The following MAGI2 variants were observed in gnomAD, a reference collection of about 807,000 sequenced individuals.
MAGI2 encodes the protein membrane-associated guanylate kinase, WW and PDZ domain-containing protein 2.
A neutral mutation model predicts 133.3 loss-of-function variants in MAGI2; 35 were observed. The ratio of observed to expected loss-of-function variants is 0.26; its 90% CI spans 0.20 to 0.35. The LOEUF (loss-of-function observed/expected upper bound fraction) is 0.35. Among genes scored for constraint, MAGI2 ranks in the 10% least tolerant of loss-of-function variants. The probability of loss-of-function intolerance (pLI) is 1.00; values close to 1 mark genes in which losing one functional copy is unlikely to be tolerated. For synonymous variants in MAGI2, 729 were observed against 710.6 expected, an observed-to-expected ratio of 1.03 and a Z score of -0.41; for missense variants, 1,636 against 1,863.4, an observed-to-expected ratio of 0.88 and a Z score of 2.25.
chr7:79,100,793 T>C (rs1269254477), intron 1 of MAGI2, among the ~76,000 whole-genome samples: 1 of 151,968 alleles, frequency 6.6e-6, no homozygotes, highest in African/African-American at 2.4e-5. Context: ...TTTCTAACTT[T>C]TAGTGTCTTA....
chr7:79,422,792 A>G (rs1456292091), intron 1 of MAGI2, among the ~76,000 whole-genome samples: 2 of 152,050 alleles, frequency 1.3e-5, no homozygotes, highest in African/African-American at 4.8e-5. Context: ...TCAGTCAGAA[A>G]CCAAACTTGG....
intron 2 of MAGI2, among the ~76,000 whole-genome samples, chr7:78,888,479 C>A (rs552855373): frequency 7.6e-4 from 116 of 152,300 alleles, no homozygotes; most frequent in African/African-American, 2.7e-3. Flanking sequence ...AGGCATCCCC[C>A]AGTAGGGGCA....
intron 1 of MAGI2, among the ~76,000 whole-genome samples, chr7:79,299,553 T>TAAAAAAAAA (rs1837216946): frequency 1.6e-3 from 2 of 1,230 alleles, no homozygotes; most frequent in Non-Finnish European, 2.8e-3. Flanking sequence ...AGACTCCATC[T>TAAAAAAAAA]CAAAAAAAAA....
chr7:78,602,634 A>G (rs1339680337), intron 3 of MAGI2, among the ~76,000 whole-genome samples: 1 of 152,182 alleles, frequency 6.6e-6, no homozygotes, highest in Middle Eastern at 3.2e-3. Context: ...AATAAAACAA[A>G]TGAAAGGAAT....
chr7:79,420,967 A>G (rs902758295), intron 1 of MAGI2, among the ~76,000 whole-genome samples: 1 of 152,010 alleles, frequency 6.6e-6, no homozygotes, highest in African/African-American at 2.4e-5. Flanking sequence ...TTTATCATTC[A>G]TAATCTCAAG....
chr7:79,364,523 TTTAG>T (rs1842569793), intron 1 of MAGI2, among the ~76,000 whole-genome samples: 1 of 152,016 alleles, frequency 6.6e-6, no homozygotes, highest in Non-Finnish European at 1.5e-5. Context: ...GAAGAATCAC[TTTAG>T]TTAATATTAA....
In MAGI2 at chr7:78,561,429, G is replaced by T. The variant is rs377082483; in HGVS notation, c.539-39784C>A. On this transcript the variant is annotated intron_variant, in intron 3 of 21. Coordinates refer to ENST00000354212, the MANE Select transcript of MAGI2 (RefSeq NM_012301.4). ...AGAAGACTACAATTTAGCCTCCAAA[G>T]TTTTCAGTCACAAAGAGAGTGATCA... 2.4e-4 allele frequency among the ~76,000 whole-genome samples: 36 copies of T among 152,324 alleles called. 1 individual carries two copies. In the South Asian group the frequency reaches 5.0e-3, roughly 21 times the overall value.
intron 1 of MAGI2, among the ~76,000 whole-genome samples, chr7:79,052,674 AAAT>A (rs1327706032): frequency 2.0e-5 from 3 of 152,188 alleles, no homozygotes; most frequent in Non-Finnish European, 4.4e-5. Context: ...TAATTTAAAT[AAAT>A]AATAAAAGAA....
At chr7:79,062,677 T>G (rs1476340580) in intron 1 of MAGI2, among the ~76,000 whole-genome samples, 1 of 152,082 alleles carries the variant, frequency 6.6e-6, no homozygotes, top group African/African-American at 2.4e-5. Context: ...AGTCTATAAT[T>G]TGAAAACAAA....
chr7:79,425,296 T>C (rs920955018), intron 1 of MAGI2, among the ~76,000 whole-genome samples: 1 of 151,250 alleles, frequency 6.6e-6, no homozygotes, highest in Non-Finnish European at 1.5e-5. Context: ...CTTTCTCTCA[T>C]CCTTCCTGCT....
intron 10 of MAGI2, among the ~76,000 whole-genome samples, chr7:78,209,779 A>G (rs532536521): frequency 1.2e-3 from 188 of 152,322 alleles, no homozygotes; most frequent in Non-Finnish European, 2.4e-3. Flanking sequence ...AATTCCTGTT[A>G]CAGTTGAGAC....
intron 1 of MAGI2, among the ~76,000 whole-genome samples, chr7:79,399,105 T>TTTTTTTTTTTTTAA (rs1845288180): frequency 6.9e-6 from 1 of 145,844 alleles, no homozygotes; most frequent in South Asian, 2.3e-4. Flanking sequence ...CTTTTTTTTT[T>TTTTTTTTTTTTTAA]TTTTTGGGAG....
At chr7:78,599,007 A>T (rs923213393) in intron 3 of MAGI2, among the ~76,000 whole-genome samples, 3 of 152,104 alleles carry the variant, frequency 2.0e-5, no homozygotes, top group Non-Finnish European at 4.4e-5. Context: ...GGGTCAAAAG[A>T]TAGATTGTGT....
chr7:78,339,490 T>A (rs1163741433), intron 9 of MAGI2, among the ~76,000 whole-genome samples: 1 of 152,234 alleles, frequency 6.6e-6, no homozygotes, highest in Non-Finnish European at 1.5e-5. Flanking sequence ...CTGAAATAAG[T>A]CTTTTCTAGT....
At chr7:79,328,710 C>A (rs1441186291) in intron 1 of MAGI2, among the ~76,000 whole-genome samples, 1 of 152,090 alleles carries the variant, frequency 6.6e-6, no homozygotes, top group Non-Finnish European at 1.5e-5. Context: ...TGAGAGTGAT[C>A]TTAGAATTGG....
chr7:78,195,149 C>T, intron 11 of MAGI2, 86 bp from the exon 12 acceptor site: 1 of 1,148,400 alleles, frequency 8.7e-7, no homozygotes, highest in South Asian at 1.9e-5. Flanking sequence ...CCTTTTTTGC[C>T]TTGTGGACTT....
intron 3 of MAGI2, among the ~76,000 whole-genome samples, chr7:78,595,143 C>A (rs549969706): frequency 6.8e-6 from 1 of 146,188 alleles, no homozygotes; most frequent in African/African-American, 2.7e-5. Context: ...AGCAGCCCGA[C>A]CCTCAGTTTG....
intron 3 of MAGI2, among the ~76,000 whole-genome samples, chr7:78,596,054 T>C (rs913195121): frequency 3.3e-5 from 5 of 152,072 alleles, no homozygotes; most frequent in Admixed American, 3.3e-4. Flanking sequence ...CTTTGTCTTG[T>C]TCACTGTTGT....
intron 2 of MAGI2, among the ~76,000 whole-genome samples, chr7:78,751,433 C>T (rs1260920080): frequency 6.6e-6 from 1 of 152,172 alleles, no homozygotes; most frequent in Non-Finnish European, 1.5e-5. Context: ...AAAAGGACGA[C>T]AGAAGTCCAG....
Sources: allele counts gnomAD v4.1 joint callset (sites outside exome capture counted in the v4.1 genomes callset), GRCh38; gene constraint gnomAD v4.1.1; transcripts MANE v1.5; gene names NCBI Gene and HGNC (gene_info 2026-07-23, HGNC 2026-07-21).